SCMH1: variants seen among roughly 807,000 people sequenced by gnomAD.
The protein encoded by SCMH1 is polycomb protein SCMH1.
A neutral mutation model predicts 70.8 loss-of-function variants in SCMH1; 37 were observed. The ratio of observed to expected loss-of-function variants is 0.52; its 90% CI spans 0.40 to 0.69. The LOEUF is 0.69. Ranked by LOEUF, SCMH1 falls within the 30% of genes least tolerant of loss-of-function variation. The pLI is 0.00. For missense variants in SCMH1, 607 were observed against 827.3 expected, an observed-to-expected ratio of 0.73 and a Z score of 3.27; for synonymous variants, 292 against 307.4, an observed-to-expected ratio of 0.95 and a Z score of 0.52.
chr1:41,213,868 C>T (rs1486388652), intron 1 of SCMH1, among the ~76,000 whole-genome samples: 1 of 150,850 alleles, frequency 6.6e-6, no homozygotes, highest in Non-Finnish European at 1.5e-5. Context: ...CATTTTCCTC[C>T]CCTATAATTG....
intron 5 of SCMH1, among the ~76,000 whole-genome samples, chr1:41,149,624 CAGTTA>C (rs1196293986): frequency 2.0e-5 from 3 of 152,110 alleles, no homozygotes; most frequent in Non-Finnish European, 4.4e-5. Context: ...TTCCTCGATG[CAGTTA>C]AGTTATTTGT....
intron 7 of SCMH1, among the ~76,000 whole-genome samples, chr1:41,115,214 G>A (rs1481398616): frequency 1.3e-5 from 2 of 152,162 alleles, no homozygotes; most frequent in Non-Finnish European, 2.9e-5. Flanking sequence ...TATGCTGATT[G>A]ACATACCAAT....
chr1:41,130,076 G>A (rs565324989), intron 6 of SCMH1, among the ~76,000 whole-genome samples: 2 of 152,212 alleles, frequency 1.3e-5, no homozygotes, highest in South Asian at 2.1e-4. Flanking sequence ...GTTCCCTAAT[G>A]ATTAGTGATC....
chr1:41,037,240 C>T, intron 13 of SCMH1, 122 bp downstream of exon 13: 1 of 974,490 alleles, frequency 1.0e-6, no homozygotes, highest in East Asian at 2.5e-5. Context: ...AAGTCCAGTC[C>T]CTAGTCCCAC....
chr1:41,152,689 T>C (rs1347051938), intron 4 of SCMH1: 2 of 1,614,008 alleles, frequency 1.2e-6, no homozygotes, highest in Admixed American at 3.3e-5. Context: ...TGAAGTTTCC[T>C]CTGTAGTGGA....
intron 10 of SCMH1, among the ~76,000 whole-genome samples, chr1:41,061,804 A>G (rs1652752605): frequency 6.6e-6 from 1 of 152,260 alleles, no homozygotes; most frequent in Non-Finnish European, 1.5e-5. Flanking sequence ...TAGAACATTC[A>G]GCAAGGTAGA....
chr1:41,213,524 C>G (rs1275410171), intron 1 of SCMH1, among the ~76,000 whole-genome samples: 1 of 152,070 alleles, frequency 6.6e-6, no homozygotes, highest in Non-Finnish European at 1.5e-5. Context: ...AGAAGCAAGT[C>G]ATAAGACCCT....
At chr1:41,203,397 A>G (rs1207337262) in intron 1 of SCMH1, among the ~76,000 whole-genome samples, 1 of 152,230 alleles carries the variant, frequency 6.6e-6, no homozygotes, top group Non-Finnish European at 1.5e-5. Flanking sequence ...ATCCAGTCAT[A>G]TTAACCACAT....
intron 2 of SCMH1, among the ~76,000 whole-genome samples, chr1:41,183,433 T>C (rs1649355120): frequency 6.6e-6 from 1 of 152,210 alleles, no homozygotes; most frequent in Non-Finnish European, 1.5e-5. Context: ...TCCAAACTCA[T>C]ACTCTTTCAT....
chr1:41,186,904 A>G (rs997365268), intron 1 of SCMH1, among the ~76,000 whole-genome samples: 3 of 152,126 alleles, frequency 2.0e-5, no homozygotes, highest in Non-Finnish European at 2.9e-5. Context: ...ATAAATTTCT[A>G]TTGTTTAAGC....
chr1:41,172,203 G>A (rs990302389), intron 2 of SCMH1, among the ~76,000 whole-genome samples: 71 of 141,178 alleles, frequency 5.0e-4, no homozygotes, highest in African/African-American at 1.8e-3. Flanking sequence ...AAAAAAAAAC[G>A]CTGTACCAAA....
chr1:41,194,534 G>T (rs1317503415), intron 1 of SCMH1, among the ~76,000 whole-genome samples: 1 of 152,182 alleles, frequency 6.6e-6, no homozygotes, highest in African/African-American at 2.4e-5. Context: ...GCAGCAATTT[G>T]GTTAAGTTTC....
chr1:41,124,641 T>C (rs929154235), intron 6 of SCMH1, among the ~76,000 whole-genome samples: 13 of 152,120 alleles, frequency 8.5e-5, no homozygotes, highest in African/African-American at 3.1e-4. Flanking sequence ...AGGGTCTTTC[T>C]CTGTTGCCCA....
chr1:41,073,507 G>C (rs1388573457), intron 9 of SCMH1, among the ~76,000 whole-genome samples: 1 of 152,160 alleles, frequency 6.6e-6, no homozygotes, highest in Non-Finnish European at 1.5e-5. Context: ...TGGGTTAGTG[G>C]TAACAGATCA....
exon 9 of SCMH1, chr1:41,075,343 C>T (rs138462771): frequency 1.7e-5 from 28 of 1,614,000 alleles, no homozygotes; most frequent in African/African-American, 8.0e-5. Context: ...TCCTGGTTTA[C>T]GCCCCCTCTG....
At chr1:41,108,422 T>A (rs1166160681) in intron 8 of SCMH1, among the ~76,000 whole-genome samples, 1 of 152,242 alleles carries the variant, frequency 6.6e-6, no homozygotes. Context: ...GCTAAAGGTA[T>A]GATTAGCATC....
intron 1 of SCMH1, among the ~76,000 whole-genome samples, chr1:41,216,452 C>T (rs1293635846): frequency 2.0e-5 from 3 of 152,136 alleles, no homozygotes; most frequent in South Asian, 4.1e-4. Flanking sequence ...TCTACCTTCA[C>T]CATGATGAAG....
intron 1 of SCMH1, among the ~76,000 whole-genome samples, chr1:41,191,962 C>T (rs940072670): frequency 2.6e-5 from 4 of 152,098 alleles, no homozygotes; most frequent in Non-Finnish European, 5.9e-5. Flanking sequence ...CACTGCTAAT[C>T]TATATCTCAA....
At chr1:41,187,566 T>G (rs569199441) in intron 1 of SCMH1, among the ~76,000 whole-genome samples, 1 of 152,146 alleles carries the variant, frequency 6.6e-6, no homozygotes, top group Admixed American at 6.5e-5. Context: ...CAATGCTACT[T>G]GCTTCACTGG....
Sources: allele counts gnomAD v4.1 joint callset (sites outside exome capture counted in the v4.1 genomes callset), GRCh38; gene constraint gnomAD v4.1.1; transcripts MANE v1.5; gene names NCBI Gene and HGNC (gene_info 2026-07-23, HGNC 2026-07-21).